MYO7A: variants seen among roughly 807,000 people sequenced by gnomAD.
The protein encoded by MYO7A is myosin VIIA.
A neutral mutation model predicts 263.8 loss-of-function variants in MYO7A; 210 were observed. That is an observed-to-expected ratio of 0.80 (90% CI 0.71 to 0.89). The LOEUF (loss-of-function observed/expected upper bound fraction) is 0.89. Ranked by LOEUF, MYO7A falls within the 40% of genes least tolerant of loss-of-function variation. The pLI, the probability that MYO7A is intolerant of heterozygous loss-of-function variation, is 0.00. For synonymous variants in MYO7A, 1,239 were observed against 1,197.3 expected, an observed-to-expected ratio of 1.03 and a Z score of -0.72; for missense variants, 2,820 against 2,968.3, an observed-to-expected ratio of 0.95 and a Z score of 1.16.
Position 77,172,739 on chromosome 11 carries a change from T to TC in MYO7A, c.1798-3dup. On this transcript the variant is annotated splice_polypyrimidine_tract_variant and intron_variant, in intron 15 of 48. Coordinates refer to ENST00000409709, the MANE Select transcript of MYO7A (RefSeq NM_000260.4). ...CAGCCCCTCCCATCGCTGCCGTCCG[T>TC]CCCCCCAGGGCGCCGAGACCAGGAA... The TC allele has an allele frequency of 4.5e-6, 7 of 1,552,390 alleles. No homozygotes were observed. Among genetic ancestry groups the TC allele is most frequent in the Non-Finnish European group, 4.4e-6 (5 of 1,149,076 alleles).
At chr11:77,198,652 A>G (rs1192545022) in intron 34 of MYO7A, 31 bp downstream of exon 34, 1 of 1,612,606 alleles carries the variant, frequency 6.2e-7, no homozygotes, top group South Asian at 1.1e-5. Context: ...ATGCAGACAG[A>G]CAGAGGGGAA....
In MYO7A at chr11:77,182,421, C is replaced by T; in HGVS notation, c.3109-3C>T. The T allele has an allele frequency of 6.2e-7, 1 of 1,601,972 alleles. No individual in the cohort carries two copies. The highest frequency in any genetic ancestry group is 1.1e-5 in the South Asian group (1 of 90,796). On this transcript the variant is annotated splice_region_variant and splice_polypyrimidine_tract_variant and intron_variant, in intron 24 of 48. Coordinates refer to ENST00000409709, the MANE Select transcript of MYO7A (RefSeq NM_000260.4). ...GGCCTCTGACATGCGCGCTCTGCCC[C>T]AGGCAGCCCTGGCGGTCTGGATCAC... is the stretch of plus-strand genomic sequence containing the variant.
At chr11:77,159,417 C>T (rs1555066776) in intron 9 of MYO7A, 30 bp from the exon 10 acceptor site, 1 of 1,491,182 alleles carries the variant, frequency 6.7e-7, no homozygotes, top group Non-Finnish European at 9.3e-7. Flanking sequence ...ACCCTCCCTC[C>T]CCTGATGCTG....
intron 27 of MYO7A, among the ~76,000 whole-genome samples, chr11:77,187,696 G>A (rs1219861136): frequency 6.6e-6 from 1 of 152,174 alleles, no homozygotes; most frequent in Non-Finnish European, 1.5e-5. Context: ...CAACTCAGCT[G>A]ATGAGAGGAG....
intron 1 of MYO7A, among the ~76,000 whole-genome samples, chr11:77,129,110 A>G (rs6592706): frequency 0.47 from 72,021 of 151,690 alleles, 17,336 homozygotes; most frequent in Middle Eastern, 0.6. Context: ...CGCCCTCACC[A>G]CTCTCCCCCA....
intron 32 of MYO7A, among the ~76,000 whole-genome samples, 157 bp downstream of exon 32, chr11:77,194,681 T>G (rs894176786): frequency 6.6e-6 from 1 of 152,142 alleles, no homozygotes. Flanking sequence ...CTCATTCTCC[T>G]TCCATCTGTG....
intron 2 of MYO7A, among the ~76,000 whole-genome samples, chr11:77,141,636 C>T (rs1462893984): frequency 6.6e-6 from 1 of 152,202 alleles, no homozygotes; most frequent in African/African-American, 2.4e-5. Context: ...TCCCTCTCGC[C>T]CATCAGGTCC....
rs12806868 is a variant in MYO7A at position 77,203,670 on chromosome 11, G to T, written c.5327-406G>T. On this transcript the variant is annotated intron_variant, in intron 38 of 48. Coordinates refer to ENST00000409709, the MANE Select transcript of MYO7A (RefSeq NM_000260.4). ...GGGAGGGGGAGTGTTCCAGAGAGAG[G>T]GAGCAGCAGCAAGGCCCCGAGGCAC... 0.48 allele frequency among the ~76,000 whole-genome samples: 73,497 copies of T among 151,840 alleles called. 18,674 individuals carry two copies. Among genetic ancestry groups the T allele is most frequent in the Admixed American group, 0.59 (8,972 of 15,262 alleles).
chr11:77,172,750 C>CTGCT lies in MYO7A; in HGVS notation c.1800_1801insTGCT (p.Ala601CysfsTer12), dbSNP rs1954230280. ...ATCGCTGCCGTCCGTCCCCCCAGGG[C>CTGCT]GCCGAGACCAGGAAGCGCTCGCCCA... On this transcript the variant is annotated frameshift_variant, in exon 16 of 49. Coordinates refer to ENST00000409709, the MANE Select transcript of MYO7A (RefSeq NM_000260.4). LOFTEE classifies it high-confidence loss of function. 2.6e-6 allele frequency: 4 copies of CTGCT among 1,556,022 alleles called. No homozygotes were observed. The highest frequency in any genetic ancestry group is 3.9e-5 in the Admixed American group (2 of 51,932).
chr11:77,156,500 A>G, intron 5 of MYO7A, among the ~76,000 whole-genome samples, 160 bp from the exon 6 acceptor site: 1 of 152,138 alleles, frequency 6.6e-6, no homozygotes. Context: ...AGTGCGGTGG[A>G]GCACTGGGCC....
In MYO7A at chr11:77,190,000, A is replaced by C; in HGVS notation, c.3631-20A>C. On this transcript the variant is annotated intron_variant, in intron 28 of 48. Transcript: ENST00000409709. ...CATGGGGAGCCCCAGGGGCCGCCTCAGCGGGTACTCTGGCTGCAGTACCTG... is the reference window on the plus strand; with the variant it reads ...CATGGGGAGCCCCAGGGGCCGCCTCCGCGGGTACTCTGGCTGCAGTACCTG... 1.3e-6 allele frequency: 2 copies of C among 1,519,388 alleles called. No individual in the cohort carries two copies. The highest frequency in any genetic ancestry group is 1.8e-6 in the Non-Finnish European group (2 of 1,129,686). The allele number at this position is 1,519,388 out of a possible 1,614,324, so 94.1% of individuals were successfully genotyped here.
Position 77,202,282 on chromosome 11 carries a change from C to T in MYO7A, c.5044-18C>T. 1.9e-6 allele frequency: 3 copies of T among 1,574,002 alleles called. No individual in the cohort carries two copies. Among genetic ancestry groups the T allele is most frequent in the Non-Finnish European group, 2.6e-6 (3 of 1,157,844 alleles). Reference sequence around the variant, plus strand: ...CAGGTAGAGAGCTGACCTGAGCCCCCTGTCTCTTGGTCCCTAGGCCCTGGT... The same window carrying T: ...CAGGTAGAGAGCTGACCTGAGCCCCTTGTCTCTTGGTCCCTAGGCCCTGGT... On this transcript the variant is annotated intron_variant, in intron 36 of 48. Coordinates refer to ENST00000409709, the MANE Select transcript of MYO7A (RefSeq NM_000260.4).
chr11:77,160,468 C>G (rs557978049), intron 11 of MYO7A, among the ~76,000 whole-genome samples, 186 bp downstream of exon 11: 1 of 152,326 alleles, frequency 6.6e-6, no homozygotes, highest in Non-Finnish European at 1.5e-5. Context: ...CTTCCCAGCT[C>G]TGGCCGCCCC....
In MYO7A at chr11:77,211,811, G is replaced by C; in HGVS notation, c.6238-10G>C. 1 of 1,611,618 alleles carries C rather than the reference G, an allele frequency of 6.2e-7. No homozygotes were observed. The highest frequency in any genetic ancestry group is 8.5e-7 in the Non-Finnish European group (1 of 1,177,886). On this transcript the variant is annotated splice_polypyrimidine_tract_variant and intron_variant, in intron 45 of 48. Coordinates refer to ENST00000409709, the MANE Select transcript of MYO7A (RefSeq NM_000260.4). Reference sequence around the variant, plus strand: ...GACTGAGCCCAGCCCTGACCGCCCTGTCCCCATAGTCCATCGTCGCCTACT... The same window carrying C: ...GACTGAGCCCAGCCCTGACCGCCCTCTCCCCATAGTCCATCGTCGCCTACT...
intron 19 of MYO7A, among the ~76,000 whole-genome samples, chr11:77,177,950 A>G (rs1954782275): frequency 6.6e-6 from 1 of 152,158 alleles, no homozygotes; most frequent in African/African-American, 2.4e-5. Context: ...ATGCTGATGA[A>G]ATTTTGCAAA....
intron 37 of MYO7A, 51 bp from the exon 38 acceptor site, chr11:77,203,009 C>T: frequency 1.3e-6 from 2 of 1,536,958 alleles, no homozygotes; most frequent in South Asian, 1.2e-5. Context: ...GGGGTTTCTC[C>T]CCGGGGCTGC....
In MYO7A at chr11:77,142,904, C is replaced by G. The variant is rs186507057; in HGVS notation, c.132+82C>G. ...AGCTGCCTTGATGCAGGGAGATGAT[C>G]GAAAGGAGATGGAGGCCATGCCCAT... On this transcript the variant is annotated intron_variant, in intron 3 of 48. Coordinates refer to ENST00000409709, the MANE Select transcript of MYO7A (RefSeq NM_000260.4). 8 of 1,185,930 alleles carry G rather than the reference C, an allele frequency of 6.7e-6. No individual in the cohort carries two copies. The Admixed American group carries it at 1.2e-4, about 18-fold the overall frequency. The allele number at this position is 1,185,930 out of a possible 1,614,324, so 73.5% of individuals were successfully genotyped here.
At chr11:77,214,067 T>C in intron 48 of MYO7A, 88 bp downstream of exon 48, 4 of 1,569,288 alleles carry the variant, frequency 2.5e-6, no homozygotes, top group Non-Finnish European at 3.5e-6. Flanking sequence ...AACACAGTAG[T>C]GTGCGGCTGG....
In MYO7A at chr11:77,211,308, C is replaced by T. The variant is rs371848786; in HGVS notation, c.6208C>T (p.Arg2070Trp). Residue 2070 changes from arginine to tryptophan, a missense_variant, in exon 45 of 49, where the codon CGG becomes TGG. Coordinates refer to ENST00000409709, the MANE Select transcript of MYO7A (RefSeq NM_000260.4). ...GGAGCTGGTGCCCCAGGACCTTATCCGGCAGGTCTCACCTGATGACTGGAA... is the reference window on the plus strand; with the variant it reads ...GGAGCTGGTGCCCCAGGACCTTATCTGGCAGGTCTCACCTGATGACTGGAA... ...LRELVPQDLI[R>W]QVSPDDWKRS... 48 of 1,582,778 alleles carry T rather than the reference C, an allele frequency of 3.0e-5. No homozygotes were observed. The highest frequency in any genetic ancestry group is 1.1e-4 in the Admixed American group (6 of 55,352).
Sources: gnomAD v4.1 joint callset for allele counts (sites outside exome capture counted in the v4.1 genomes callset) on GRCh38, gnomAD v4.1.1 for gene constraint, MANE v1.5 for transcripts, NCBI Gene and HGNC (gene_info 2026-07-23, HGNC 2026-07-21) for gene names.